The following XPR1 variants were observed in gnomAD, a reference collection of about 807,000 sequenced individuals.
XPR1 encodes xenotropic and polytropic retrovirus receptor 1, also known as solute carrier family 53 member 1.
In XPR1, 28 loss-of-function variants were observed where a neutral mutation model predicts 87.5. That is an observed-to-expected ratio of 0.32 (90% CI 0.24 to 0.44). XPR1 has a LOEUF of 0.44. Ranked by LOEUF, XPR1 falls within the 20% of genes least tolerant of loss-of-function variation. The pLI is 1.00. For synonymous variants in XPR1, 300 were observed against 306.1 expected (o/e 0.98, Z 0.21); for missense variants, 559 against 862.3 (o/e 0.65, Z 4.41).
chr1:180,711,872 A>T (rs570968767), intron 2 of XPR1, among the ~76,000 whole-genome samples: 1 of 152,140 alleles, frequency 6.6e-6, no homozygotes, highest in Non-Finnish European at 1.5e-5. Flanking sequence ...TTTTGAGTTA[A>T]TTTTTTGTAT....
At chr1:180,684,790 G>A (rs1656707718) in intron 2 of XPR1, among the ~76,000 whole-genome samples, 6 of 152,144 alleles carry the variant, frequency 3.9e-5, no homozygotes, top group Admixed American at 2.0e-4. Context: ...CTCTCTGTTT[G>A]TCTGTTATTG....
intron 11 of XPR1, among the ~76,000 whole-genome samples, chr1:180,846,103 T>C (rs1357516873): frequency 6.6e-6 from 1 of 151,804 alleles, no homozygotes; most frequent in Non-Finnish European, 1.5e-5. Flanking sequence ...CTACTAAAAA[T>C]TATAAAAAAT....
At chr1:180,823,792 A>C (rs1276958624) in intron 7 of XPR1, among the ~76,000 whole-genome samples, 3 of 152,248 alleles carry the variant, frequency 2.0e-5, no homozygotes, top group Non-Finnish European at 4.4e-5. Context: ...GTAACTAAGC[A>C]AATGACAACC....
At chr1:180,652,316 G>A (rs554419816) in intron 1 of XPR1, among the ~76,000 whole-genome samples, 2 of 152,220 alleles carry the variant, frequency 1.3e-5, no homozygotes, top group African/African-American at 4.8e-5. Flanking sequence ...AGGTTGAAAT[G>A]ACAGTGCTCT....
In XPR1 at chr1:180,841,695, G is replaced by A. The variant is rs188774310; in HGVS notation, c.1501+4979G>A. 4.6e-5 allele frequency among the ~76,000 whole-genome samples: 7 copies of A among 152,062 alleles called. 1 individual carries two copies. Among genetic ancestry groups the A allele is most frequent in the Admixed American group, 2.0e-4 (3 of 15,262 alleles). On this transcript the variant is annotated intron_variant, in intron 11 of 14. Coordinates refer to ENST00000367590, the MANE Select transcript of XPR1 (RefSeq NM_004736.4). ...CAAGTAACATAGCTACTTACTCACC[G>A]AACACTATTCAGTACTCACTGTCAA...
intron 2 of XPR1, among the ~76,000 whole-genome samples, chr1:180,718,751 C>G (rs1288165787): frequency 1.3e-5 from 2 of 151,706 alleles, no homozygotes; most frequent in African/African-American, 4.8e-5. Context: ...TCACCGCAAC[C>G]CCTGCCTCTG....
chr1:180,885,248 A>T lies in XPR1; in HGVS notation c.*1182A>T, dbSNP rs1174612515. On this transcript the variant is annotated 3_prime_UTR_variant, in exon 15 of 15. Transcript: ENST00000367590. The stretch of plus-strand genomic sequence containing the variant: ...ATGGGGAAACTATATTTTTGAGCAC[A>T]TGGAACAAATTATACTTCCTCATTC... The T allele has an allele frequency of 6.5e-6, 1 of 152,684 alleles. No individual in the cohort carries two copies. Among genetic ancestry groups the T allele is most frequent in the Non-Finnish European group, 1.5e-5 (1 of 68,054 alleles). The allele number at this position is 152,684 out of a possible 1,614,324, so 9.5% of individuals were successfully genotyped here.
chr1:180,635,949 C>T (rs1396099623), intron 1 of XPR1, among the ~76,000 whole-genome samples: 1 of 152,096 alleles, frequency 6.6e-6, no homozygotes. Context: ...TAATAGCATC[C>T]TTTAAAATTA....
At chr1:180,670,061 TTTG>T (rs1178375865) in intron 1 of XPR1, among the ~76,000 whole-genome samples, 5 of 152,164 alleles carry the variant, frequency 3.3e-5, no homozygotes, top group Non-Finnish European at 7.4e-5. Context: ...TCTTAAAATC[TTTG>T]TTGTTACTAT....
intron 2 of XPR1, among the ~76,000 whole-genome samples, chr1:180,713,143 C>T (rs1657863137): frequency 6.6e-6 from 1 of 151,864 alleles, no homozygotes; most frequent in Non-Finnish European, 1.5e-5. Flanking sequence ...GTATATATTT[C>T]TCTTTGGTCT....
At chr1:180,755,998 A>G (rs913648446) in intron 2 of XPR1, among the ~76,000 whole-genome samples, 2 of 152,206 alleles carry the variant, frequency 1.3e-5, no homozygotes, top group Non-Finnish European at 2.9e-5. Context: ...ACAAGAGGAA[A>G]ACAAATTAAT....
At chr1:180,640,261 G>A (rs539931547) in intron 1 of XPR1, among the ~76,000 whole-genome samples, 6 of 152,286 alleles carry the variant, frequency 3.9e-5, no homozygotes, top group Non-Finnish European at 7.4e-5. Flanking sequence ...TAACAGCAGT[G>A]GTGGTAGTAG....
chr1:180,711,749 G>A (rs140667156), intron 2 of XPR1, among the ~76,000 whole-genome samples: 20 of 152,288 alleles, frequency 1.3e-4, no homozygotes, highest in Middle Eastern at 3.4e-3. Flanking sequence ...TGTGGATTAT[G>A]TTTTTGGTCA....
chr1:180,647,211 G>T (rs1027554931), intron 1 of XPR1, among the ~76,000 whole-genome samples: 1 of 152,256 alleles, frequency 6.6e-6, no homozygotes, highest in South Asian at 2.1e-4. Flanking sequence ...CATAATGTGA[G>T]CAATGGGGAG....
chr1:180,635,262 T>C (rs1406884397), intron 1 of XPR1, among the ~76,000 whole-genome samples: 1 of 152,168 alleles, frequency 6.6e-6, no homozygotes, highest in Non-Finnish European at 1.5e-5. Context: ...TATTCCTGTT[T>C]CCAGTAATCT....
At chr1:180,810,553 T>C (rs1179313448) in intron 6 of XPR1, among the ~76,000 whole-genome samples, 4 of 151,582 alleles carry the variant, frequency 2.6e-5, no homozygotes, top group Non-Finnish European at 5.9e-5. Flanking sequence ...CGCTCCAGCC[T>C]AGGCGATAGG....
At chr1:180,854,054 G>T (rs1369520315) in intron 11 of XPR1, among the ~76,000 whole-genome samples, 1 of 152,154 alleles carries the variant, frequency 6.6e-6, no homozygotes, top group African/African-American at 2.4e-5. Flanking sequence ...TGCCGTTAAA[G>T]GTTGTATCTA....
At chr1:180,864,790 A>G (rs1652333749) in intron 12 of XPR1, among the ~76,000 whole-genome samples, 1 of 152,222 alleles carries the variant, frequency 6.6e-6, no homozygotes, top group African/African-American at 2.4e-5. Context: ...CTTGAAAGAA[A>G]TTAAACAATG....
At chr1:180,863,498 A>G (rs1044881881) in intron 11 of XPR1, among the ~76,000 whole-genome samples, 1 of 152,166 alleles carries the variant, frequency 6.6e-6, no homozygotes, top group Non-Finnish European at 1.5e-5. Flanking sequence ...AGTGTTATGT[A>G]TTCAATAAAT....
Sources: allele counts gnomAD v4.1 joint callset (sites outside exome capture counted in the v4.1 genomes callset), GRCh38; gene constraint gnomAD v4.1.1; transcripts MANE v1.5; gene names NCBI Gene and HGNC (gene_info 2026-07-23, HGNC 2026-07-21).